Variants in CAMTA1 observed in about 807,000 individuals in gnomAD.
CAMTA1 encodes the protein calmodulin-binding transcription activator 1.
Under a neutral mutation model 170.9 loss-of-function variants are expected in CAMTA1, and 27 were observed. The observed-to-expected ratio is 0.16, with a 90% CI of 0.12 to 0.22. The LOEUF (loss-of-function observed/expected upper bound fraction) is 0.22, where lower values mean the gene tolerates loss of function less well. Among genes scored for constraint, CAMTA1 ranks in the 10% least tolerant of loss-of-function variants. CAMTA1 has a pLI of 1.00. For missense variants in CAMTA1, 1,619 were observed against 2,217.2 expected (o/e 0.73, Z 5.42); for synonymous variants, 833 against 891.5 (o/e 0.93, Z 1.17).
In CAMTA1 at chr1:7,585,815, T is replaced by C. The variant is rs2095304998; in HGVS notation, c.511-54585T>C. 6.6e-6 allele frequency among the ~76,000 whole-genome samples: 1 copy of C among 151,894 alleles called. No individual in the cohort carries two copies. Among genetic ancestry groups the C allele is most frequent in the African/African-American group, 2.4e-5 (1 of 41,260 alleles). The stretch of plus-strand genomic sequence containing the variant: ...TGTCCCTCATCCACCTCCAGCTTCC[T>C]GCTGCGGGGCCTTAGTAGACTCAGC... On this transcript the variant is annotated intron_variant, in intron 6 of 22. Transcript: ENST00000303635. This position sits in a 1 kb window ranked among gnomAD's most constrained non-coding sequence, Gnocchi z 4.8.
intron 6 of CAMTA1, among the ~76,000 whole-genome samples, chr1:7,469,799 G>A (rs1377308628): frequency 6.6e-6 from 1 of 152,192 alleles, no homozygotes; most frequent in Non-Finnish European, 1.5e-5. Context: ...CAGCCACGAG[G>A]TCTGAGCTGA....
At position 7,562,151 on chromosome 1, in the gene CAMTA1, C is replaced by T. The variant is rs1349079645; in HGVS notation, c.511-78249C>T. Among the ~76,000 whole-genome samples the T allele has an allele frequency of 6.6e-6, 1 of 152,188 alleles. No individual in the cohort carries two copies. Among genetic ancestry groups the T allele is most frequent in the Non-Finnish European group, 1.5e-5 (1 of 68,040 alleles). On this transcript the variant is annotated intron_variant, in intron 6 of 22. Transcript: ENST00000303635. The surrounding 1 kb of genome is among the most constrained non-coding windows in gnomAD (Gnocchi z 4.8). ...GCCTCACTACCCGCACCAGGATTCA[C>T]GGGTTGCAGCTGCCCAGTCCTGAGG...
chr1:7,433,978 T>C (rs1290902103), intron 5 of CAMTA1, among the ~76,000 whole-genome samples: 1 of 152,068 alleles, frequency 6.6e-6, no homozygotes, highest in African/African-American at 2.4e-5. Context: ...CGGGGAAGCA[T>C]TAAGCCTATT....
chr1:7,616,516 A>T (rs2095559897), intron 6 of CAMTA1, among the ~76,000 whole-genome samples: 1 of 152,274 alleles, frequency 6.6e-6, no homozygotes, highest in Admixed American at 6.5e-5. Flanking sequence ...CTCTTAAAGC[A>T]ACAGCCTCCA....
chr1:7,185,090 C>T (rs1652978094), intron 4 of CAMTA1, among the ~76,000 whole-genome samples: 2 of 152,090 alleles, frequency 1.3e-5, no homozygotes, highest in Admixed American at 6.6e-5. Context: ...AAGGGAGTTA[C>T]ACATATGGAA....
chr1:7,229,170 G>C (rs990932565), intron 4 of CAMTA1, among the ~76,000 whole-genome samples: 2 of 151,804 alleles, frequency 1.3e-5, no homozygotes, highest in African/African-American at 4.8e-5. Flanking sequence ...AGCAGAGGGG[G>C]CTGAGAGAGC....
intron 5 of CAMTA1, among the ~76,000 whole-genome samples, chr1:7,337,595 A>G (rs112693740): frequency 0.055 from 6,800 of 122,796 alleles, 200 homozygotes; most frequent in African/African-American, 0.083. Flanking sequence ...CAGTGTGGGC[A>G]GTGGGCCTCA....
At chr1:7,367,479 G>A (rs2086063981) in intron 5 of CAMTA1, among the ~76,000 whole-genome samples, 3 of 152,228 alleles carry the variant, frequency 2.0e-5, no homozygotes, top group Admixed American at 2.0e-4. Context: ...AGCAGGTGGA[G>A]CTGAACACCT....
At chr1:7,280,397 A>T (rs184792579) in intron 5 of CAMTA1, among the ~76,000 whole-genome samples, 1 of 152,334 alleles carries the variant, frequency 6.6e-6, no homozygotes, top group Non-Finnish European at 1.5e-5. Context: ...TGTCCCAAGT[A>T]TGACATCCCT....
intron 4 of CAMTA1, among the ~76,000 whole-genome samples, chr1:7,134,607 C>T (rs1479254978): frequency 6.6e-6 from 1 of 152,160 alleles, no homozygotes; most frequent in Non-Finnish European, 1.5e-5. Context: ...CATGCCTGGC[C>T]CACATTTTCT....
Position 7,247,073 on chromosome 1 carries a change from C to T in CAMTA1, c.303-2418C>T, listed in dbSNP as rs911393471. Among the ~76,000 whole-genome samples, 2 of 152,220 alleles carry T rather than the reference C, an allele frequency of 1.3e-5. 1 individual carries two copies. Among genetic ancestry groups the T allele is most frequent in the South Asian group, 4.1e-4 (2 of 4,834 alleles). On this transcript the variant is annotated intron_variant, in intron 4 of 22. Coordinates refer to ENST00000303635, the MANE Select transcript of CAMTA1 (RefSeq NM_015215.4). Reference sequence around the variant, plus strand: ...GACCCTGAGTTGTGGTAAGGGCCTTCCCCATCACACAGAGCCGAACAAGTT... The same window carrying T: ...GACCCTGAGTTGTGGTAAGGGCCTTTCCCATCACACAGAGCCGAACAAGTT...
At chr1:7,292,198 G>A (rs1384696164) in intron 5 of CAMTA1, among the ~76,000 whole-genome samples, 4 of 152,176 alleles carry the variant, frequency 2.6e-5, no homozygotes, top group Non-Finnish European at 5.9e-5. Flanking sequence ...GCGCTGGCTT[G>A]TTCTGCGGCT....
intron 5 of CAMTA1, among the ~76,000 whole-genome samples, chr1:7,276,301 A>ATTTTTTTT (rs1487709367): frequency 4.9e-5 from 1 of 20,460 alleles, no homozygotes; most frequent in Admixed American, 8.0e-4. Flanking sequence ...ATATATATAT[A>ATTTTTTTT]TATTTTTTTT....
intron 3 of CAMTA1, among the ~76,000 whole-genome samples, chr1:7,023,403 T>C (rs984341795): frequency 2.0e-5 from 3 of 152,074 alleles, no homozygotes; most frequent in African/African-American, 7.2e-5. Flanking sequence ...TAGGCAAAAA[T>C]TACAAAGCAG....
chr1:7,309,998 T>C (rs968616645), intron 5 of CAMTA1, among the ~76,000 whole-genome samples: 3 of 152,218 alleles, frequency 2.0e-5, no homozygotes, highest in Non-Finnish European at 4.4e-5. Flanking sequence ...ATTAGTTCTG[T>C]TGTTCTTCCT....
intron 5 of CAMTA1, among the ~76,000 whole-genome samples, chr1:7,362,467 TAG>T (rs772314997): frequency 6.6e-6 from 1 of 152,026 alleles, no homozygotes; most frequent in Non-Finnish European, 1.5e-5. Flanking sequence ...TGGACTTGAA[TAG>T]AGTTAGTGGA....
At chr1:6,835,932 A>G (rs937911743) in intron 3 of CAMTA1, among the ~76,000 whole-genome samples, 3 of 152,120 alleles carry the variant, frequency 2.0e-5, no homozygotes, top group African/African-American at 7.2e-5. Flanking sequence ...TAATTTTTCA[A>G]TGTTTTTTGA....
intron 1 of CAMTA1, among the ~76,000 whole-genome samples, chr1:6,809,938 T>C (rs530877250): frequency 3.3e-5 from 5 of 152,252 alleles, no homozygotes; most frequent in African/African-American, 1.2e-4. Context: ...GATGATTATT[T>C]CAGAACCGTG....
chr1:7,354,392 G>A (rs182932734), intron 5 of CAMTA1, among the ~76,000 whole-genome samples: 2,867 of 150,896 alleles, frequency 0.019, 92 homozygotes, highest in African/African-American at 0.066. Context: ...CTCGTGATCC[G>A]CCCGCCTCGG....
Sources: gnomAD v4.1 joint callset for allele counts (sites outside exome capture counted in the v4.1 genomes callset) on GRCh38, gnomAD v4.1.1 for gene constraint, Gnocchi (gnomAD v3.1) non-coding constraint, MANE v1.5 for transcripts, NCBI Gene and HGNC (gene_info 2026-07-23, HGNC 2026-07-21) for gene names.